Variants in SNX31 observed in about 807,000 individuals in gnomAD.
The protein encoded by SNX31 is sorting nexin 31, also known as sorting nexin-31.
In SNX31, 58 loss-of-function variants were observed where a neutral mutation model predicts 65.4. The ratio of observed to expected loss-of-function variants is 0.89; its 90% CI spans 0.72 to 1.10. The LOEUF is 1.10. Among genes scored for constraint, SNX31 ranks in the 50% least tolerant of loss-of-function variants. The probability of loss-of-function intolerance (pLI) is 0.00; values close to 1 mark genes in which losing one functional copy is unlikely to be tolerated. For synonymous variants in SNX31, 181 were observed against 190.1 expected, an observed-to-expected ratio of 0.95 and a Z score of 0.39; for missense variants, 523 against 529.7, an observed-to-expected ratio of 0.99 and a Z score of 0.12.
intron 9 of SNX31, among the ~76,000 whole-genome samples, chr8:100,598,008 C>G (rs1815270576): frequency 6.6e-6 from 1 of 152,214 alleles, no homozygotes; most frequent in Non-Finnish European, 1.5e-5. Context: ...AAGAGGACTA[C>G]CTAGTGACAA....
chr8:100,657,227 C>G (rs991040665), intron 1 of SNX31, among the ~76,000 whole-genome samples: 4 of 151,894 alleles, frequency 2.6e-5, no homozygotes, highest in Admixed American at 2.6e-4. Context: ...CCGAGGCAGG[C>G]GGATCACCTG....
chr8:100,646,985 T>C (rs1819686872), intron 2 of SNX31, among the ~76,000 whole-genome samples: 1 of 152,216 alleles, frequency 6.6e-6, no homozygotes, highest in Non-Finnish European at 1.5e-5. Context: ...ACCTGTTAAA[T>C]TGGACTAATT....
intron 4 of SNX31, among the ~76,000 whole-genome samples, chr8:100,621,683 A>G (rs992628704): frequency 1.1e-4 from 16 of 152,162 alleles, no homozygotes; most frequent in Non-Finnish European, 2.2e-4. Flanking sequence ...CCTGAGATAT[A>G]TTTTTTAAAT....
chr8:100,602,249 C>A (rs1030511643), intron 8 of SNX31, among the ~76,000 whole-genome samples: 19 of 152,344 alleles, frequency 1.2e-4, no homozygotes, highest in African/African-American at 4.6e-4. Flanking sequence ...GCAGGCTATG[C>A]TTTATCTCCC....
At chr8:100,589,620 G>T (rs1407138226) in intron 10 of SNX31, among the ~76,000 whole-genome samples, 1 of 151,858 alleles carries the variant, frequency 6.6e-6, no homozygotes, top group Non-Finnish European at 1.5e-5. Flanking sequence ...TTTGAAAGAG[G>T]AAATATTCTA....
chr8:100,611,039 G>A (rs1295843587), intron 7 of SNX31, among the ~76,000 whole-genome samples: 1 of 152,090 alleles, frequency 6.6e-6, no homozygotes, highest in Non-Finnish European at 1.5e-5. Context: ...ATAATATTTT[G>A]TTCTCCACAG....
intron 5 of SNX31, among the ~76,000 whole-genome samples, chr8:100,616,640 A>G (rs1817228296): frequency 6.6e-6 from 1 of 152,168 alleles, no homozygotes; most frequent in Non-Finnish European, 1.5e-5. Flanking sequence ...AGCTGTAGAG[A>G]TCTAGCTGGG....
intron 4 of SNX31, among the ~76,000 whole-genome samples, chr8:100,628,637 G>C (rs901697502): frequency 2.6e-5 from 4 of 152,030 alleles, no homozygotes; most frequent in African/African-American, 9.7e-5. Context: ...TATACCTAAT[G>C]CTAAATGACG....
chr8:100,641,606 A>C (rs1245414726), intron 2 of SNX31, among the ~76,000 whole-genome samples: 2 of 55,106 alleles, frequency 3.6e-5, no homozygotes, highest in African/African-American at 7.9e-5. Context: ...ACACATACAC[A>C]CACACACGCA....
At chr8:100,586,786 A>G (rs1329051356) in intron 11 of SNX31, among the ~76,000 whole-genome samples, 1 of 152,254 alleles carries the variant, frequency 6.6e-6, no homozygotes, top group African/African-American at 2.4e-5. Context: ...TTTCTGAACC[A>G]GAATGTTCCA....
In SNX31 at chr8:100,586,251, A is replaced by G. The variant is rs543913670; in HGVS notation, c.1093-2063T>C. On this transcript the variant is annotated intron_variant, in intron 11 of 13. Coordinates refer to ENST00000311812, the MANE Select transcript of SNX31 (RefSeq NM_152628.4). ...TTCAGATTTCATTTAAAAGGTCTCAAAAAGATTTGGGCCCAAGCCCTCATT... is the reference window on the plus strand; with the variant it reads ...TTCAGATTTCATTTAAAAGGTCTCAGAAAGATTTGGGCCCAAGCCCTCATT... Among the ~76,000 whole-genome samples, 4 of 152,358 alleles carry G rather than the reference A, an allele frequency of 2.6e-5. No homozygotes were observed. In the South Asian group the frequency reaches 6.2e-4, roughly 24 times the overall value.
In SNX31 at chr8:100,662,086, G is replaced by A. The variant is rs919004378; in HGVS notation, c.-58+1056C>T. 3.3e-5 allele frequency among the ~76,000 whole-genome samples: 5 copies of A among 152,086 alleles called. No homozygotes were observed. In the South Asian group the frequency reaches 1.0e-3, roughly 32 times the overall value. ...GTGATCCACCTGCCTTGGCCTCCCA[G>A]AGTGCTAGGATTACAGGCATGAACC... On this transcript the variant is annotated intron_variant, in intron 1 of 5. Transcript: ENST00000520352.
chr8:100,610,477 T>G lies in SNX31; in HGVS notation c.611+1523A>C, dbSNP rs1024079597. Among the ~76,000 whole-genome samples the G allele has an allele frequency of 6.6e-6, 1 of 152,154 alleles. No individual in the cohort carries two copies. The highest frequency in any genetic ancestry group is 1.9e-4 in the East Asian group (1 of 5,198). On this transcript the variant is annotated intron_variant, in intron 7 of 13. Transcript: ENST00000311812. The surrounding 1 kb of genome is among the most constrained non-coding windows in gnomAD (Gnocchi z 4.0). ...TACATAACTCTTGCAATAACCCTTATAATAATCCAATAAACTATTTTTATT... is the reference window on the plus strand; with the variant it reads ...TACATAACTCTTGCAATAACCCTTAGAATAATCCAATAAACTATTTTTATT...
chr8:100,644,809 C>T (rs911825295), intron 2 of SNX31, among the ~76,000 whole-genome samples: 1 of 151,886 alleles, frequency 6.6e-6, no homozygotes, highest in Non-Finnish European at 1.5e-5. Flanking sequence ...GGATTATAGG[C>T]ACATGCCACC....
Position 100,613,223 on chromosome 8 carries a change from C to T in SNX31, c.433-138G>A. The T allele has an allele frequency of 3.2e-6, 2 of 625,838 alleles. No individual in the cohort carries two copies. Among genetic ancestry groups the T allele is most frequent in the South Asian group, 4.3e-5 (2 of 46,908 alleles). The allele number at this position is 625,838 out of a possible 1,614,324, so 38.8% of individuals were successfully genotyped here. A position where few individuals can be genotyped will look rare whatever the true frequency, so the allele number is the denominator to read the frequency against. On this transcript the variant is annotated intron_variant, in intron 5 of 13. Coordinates refer to ENST00000311812, the MANE Select transcript of SNX31 (RefSeq NM_152628.4). The surrounding 1 kb of genome is among the most constrained non-coding windows in gnomAD (Gnocchi z 5.2). ...TGGGTTAGTGAACACTCAAAGAAAGCTTTTTGGAATCAAAAAATGGTATCC... is the reference window on the plus strand; with the variant it reads ...TGGGTTAGTGAACACTCAAAGAAAGTTTTTTGGAATCAAAAAATGGTATCC...
Position 100,643,117 on chromosome 8 carries a change from G to C in SNX31, c.141+6157C>G, listed in dbSNP as rs376932704. On this transcript the variant is annotated intron_variant, in intron 2 of 13. Coordinates refer to ENST00000311812, the MANE Select transcript of SNX31 (RefSeq NM_152628.4). ...GAGGCAGGAGAATCACTTGAACTTG[G>C]GGGGGGTGGAGGTTGCAGTGAGCTG... Among the ~76,000 whole-genome samples the C allele has an allele frequency of 2.9e-3, 72 of 25,242 alleles. No homozygotes were observed. In the East Asian group the frequency reaches 0.049, roughly 17 times the overall value. 16.6% of individuals were successfully genotyped at this position (25,242 alleles called of 152,430 possible).
rs976992086 is a variant in SNX31, at chr8:100,575,058, A to C, written c.1228-1098T>G. Among the ~76,000 whole-genome samples, 3 of 152,268 alleles carry C rather than the reference A, an allele frequency of 2.0e-5. No homozygotes were observed. The highest frequency in any genetic ancestry group is 7.2e-5 in the African/African-American group (3 of 41,476). Reference sequence around the variant, plus strand: ...TCAAAGACACGGTTATGGAAAGTGGAAAGTGAAAAAAAAAATGTGGAGCCC... The same window carrying C: ...TCAAAGACACGGTTATGGAAAGTGGCAAGTGAAAAAAAAAATGTGGAGCCC... On this transcript the variant is annotated intron_variant, in intron 13 of 13. Coordinates refer to ENST00000311812, the MANE Select transcript of SNX31 (RefSeq NM_152628.4). The surrounding 1 kb of genome is among the most constrained non-coding windows in gnomAD (Gnocchi z 5.1).
At chr8:100,590,313 C>G (rs899078066) in intron 10 of SNX31, among the ~76,000 whole-genome samples, 1 of 152,202 alleles carries the variant, frequency 6.6e-6, no homozygotes, top group Non-Finnish European at 1.5e-5. Context: ...GAGGTTTCAG[C>G]TAGGTGTGGT....
Position 100,648,322 on chromosome 8 carries a change from CTTTTTT to C in SNX31, c.141+946_141+951del, listed in dbSNP as rs33988254. Among the ~76,000 whole-genome samples the C allele has an allele frequency of 2.3e-5, 3 of 131,412 alleles. No individual in the cohort carries two copies. Among genetic ancestry groups the C allele is most frequent in the Non-Finnish European group, 4.8e-5 (3 of 62,906 alleles). 86.2% of individuals were successfully genotyped at this position (131,412 alleles called of 152,430 possible). On this transcript the variant is annotated intron_variant, in intron 2 of 13. Transcript: ENST00000311812. The surrounding 1 kb of genome is among the most constrained non-coding windows in gnomAD (Gnocchi z 4.3). ...GAAAGTTTTTTCAGTTTTCTCTACA[CTTTTTT>C]TTTTTTTTTTTTTAATAGAGACAAG...
Sources: allele counts gnomAD v4.1 joint callset (sites outside exome capture counted in the v4.1 genomes callset), GRCh38; gene constraint gnomAD v4.1.1; non-coding constraint Gnocchi (gnomAD v3.1); transcripts MANE v1.5; gene names NCBI Gene and HGNC (gene_info 2026-07-23, HGNC 2026-07-21).